Variants in NCOA3 observed in about 807,000 individuals in gnomAD.
NCOA3 encodes the protein nuclear receptor coactivator 3, also known as CBP-interacting protein.
NCOA3 carries 51 observed loss-of-function variants against 158.8 expected under a neutral mutation model. The observed-to-expected ratio is 0.32, with a 90% CI of 0.26 to 0.41. NCOA3 has a LOEUF of 0.41. Among genes scored for constraint, NCOA3 ranks in the 10% least tolerant of loss-of-function variants. The pLI is 1.00. For missense variants in NCOA3, 1,510 were observed against 1,746.6 expected (o/e 0.86, Z 2.41); for synonymous variants, 537 against 592.4 (o/e 0.91, Z 1.36).
chr20:47,511,550 T>TATATATATATATATATACACATAC lies in NCOA3; in HGVS notation c.-99+9537_-99+9538insATATATATATACACATACATATAT. 5.7e-5 allele frequency among the ~76,000 whole-genome samples: 3 copies of TATATATATATATATATACACATAC among 52,270 alleles called. 1 individual carries two copies. The highest frequency in any genetic ancestry group is 1.2e-4 in the Non-Finnish European group (3 of 25,114). The allele number at this position is 52,270 out of a possible 152,430, so 34.3% of individuals were successfully genotyped here. The stretch of plus-strand genomic sequence containing the variant: ...ATATATATATATATATATATATATA[T>TATATATATATATATATACACATAC]ATATATTTCTTTTTTTTTTTGAGAC... On this transcript the variant is annotated intron_variant, in intron 1 of 22. Transcript: ENST00000371998.
At chr20:47,528,481 A>G (rs1490811014) in intron 1 of NCOA3, among the ~76,000 whole-genome samples, 2 of 152,216 alleles carry the variant, frequency 1.3e-5, no homozygotes, top group African/African-American at 4.8e-5. Context: ...AATCTTGCCT[A>G]TAAGCTTTTG....
chr20:47,603,528 C>T (rs1453534474), intron 2 of NCOA3, among the ~76,000 whole-genome samples: 1 of 152,246 alleles, frequency 6.6e-6, no homozygotes, highest in Non-Finnish European at 1.5e-5. Context: ...TGTTAAACAG[C>T]TCAGGGCCTT....
At chr20:47,567,891 G>T (rs546633513) in intron 1 of NCOA3, among the ~76,000 whole-genome samples, 1 of 152,006 alleles carries the variant, frequency 6.6e-6, no homozygotes, top group East Asian at 1.9e-4. Flanking sequence ...CTTTCTTTTT[G>T]TAGAGATGGG....
chr20:47,598,510 T>A (rs2146255496), intron 2 of NCOA3, among the ~76,000 whole-genome samples: 1 of 151,996 alleles, frequency 6.6e-6, no homozygotes, highest in South Asian at 2.1e-4. Context: ...TAATTTTTGT[T>A]ATTTTTAGTA....
intron 1 of NCOA3, among the ~76,000 whole-genome samples, chr20:47,531,106 G>T (rs1229118047): frequency 6.6e-6 from 1 of 152,148 alleles, no homozygotes; most frequent in Non-Finnish European, 1.5e-5. Context: ...GGGAGACTGA[G>T]GGCAGGCAGA....
intron 1 of NCOA3, among the ~76,000 whole-genome samples, chr20:47,549,407 A>AT (rs1482685320): frequency 1.3e-5 from 2 of 151,566 alleles, no homozygotes; most frequent in African/African-American, 4.8e-5. Flanking sequence ...TTAAAAAAAA[A>AT]TTTATCTGGG....
intron 1 of NCOA3, among the ~76,000 whole-genome samples, chr20:47,545,174 ATTTTT>A (rs3083968): frequency 1.2e-5 from 1 of 84,280 alleles, no homozygotes; most frequent in Non-Finnish European, 2.2e-5. Flanking sequence ...TATCCATAGG[ATTTTT>A]TTTTTTTTTT....
chr20:47,508,256 C>G (rs1326045460), intron 1 of NCOA3, among the ~76,000 whole-genome samples: 1 of 152,190 alleles, frequency 6.6e-6, no homozygotes, highest in Non-Finnish European at 1.5e-5. Context: ...ACCTTCATAT[C>G]TAAGGCTAGC....
At chr20:47,548,213 C>G (rs2084864445) in intron 1 of NCOA3, among the ~76,000 whole-genome samples, 1 of 149,630 alleles carries the variant, frequency 6.7e-6, no homozygotes, top group African/African-American at 2.5e-5. Flanking sequence ...TTCTTACTCT[C>G]TAAGCCTAAT....
chr20:47,564,578 G>C (rs2085162727), intron 1 of NCOA3, among the ~76,000 whole-genome samples: 2 of 149,884 alleles, frequency 1.3e-5, no homozygotes, highest in Non-Finnish European at 3.0e-5. Flanking sequence ...ATATTGTAGT[G>C]AATATCCTTG....
chr20:47,516,919 T>TAAA (rs3092586), intron 1 of NCOA3, among the ~76,000 whole-genome samples: 1 of 126,340 alleles, frequency 7.9e-6, no homozygotes, highest in Admixed American at 8.4e-5. Flanking sequence ...GACCCTGTCT[T>TAAA]AAAAAAAAAA....
At chr20:47,642,418 A>G (rs941518000) in intron 17 of NCOA3, 34 bp downstream of exon 17, 14 of 1,535,286 alleles carry the variant, frequency 9.1e-6, no homozygotes, top group Non-Finnish European at 1.1e-5. Flanking sequence ...AGGAGAGTGT[A>G]TATTTGTGTG....
intron 17 of NCOA3, among the ~76,000 whole-genome samples, chr20:47,646,151 C>G (rs1404435122): frequency 6.6e-6 from 1 of 152,178 alleles, no homozygotes; most frequent in African/African-American, 2.4e-5. Context: ...TGCACATCCT[C>G]CCACATAGTT....
intron 19 of NCOA3, 71 bp downstream of exon 19, chr20:47,649,180 CA>C (rs1446862877): frequency 1.1e-6 from 1 of 881,470 alleles, no homozygotes; most frequent in Non-Finnish European, 1.7e-6. Flanking sequence ...GGTTGGCTCT[CA>C]GTAAATGTTT....
intron 1 of NCOA3, among the ~76,000 whole-genome samples, chr20:47,570,933 T>TACAC (rs772303791): frequency 1.0e-5 from 1 of 99,172 alleles, no homozygotes; most frequent in African/African-American, 4.4e-5. Context: ...TGAGCAGTAA[T>TACAC]ATATATACAC....
At chr20:47,577,583 A>G (rs571591400) in intron 1 of NCOA3, among the ~76,000 whole-genome samples, 86 of 152,316 alleles carry the variant, frequency 5.6e-4, no homozygotes, top group Non-Finnish European at 9.8e-4. Flanking sequence ...GAATGAACAT[A>G]GCTTTCATTT....
chr20:47,618,227 T>C (rs527656326), intron 2 of NCOA3, among the ~76,000 whole-genome samples: 110 of 152,210 alleles, frequency 7.2e-4, no homozygotes, highest in Middle Eastern at 6.8e-3. Context: ...AGAGTGAGAC[T>C]CTTGTCTCAA....
chr20:47,632,381 G>GT (rs34786220), intron 8 of NCOA3, among the ~76,000 whole-genome samples: 26,860 of 135,088 alleles, frequency 0.2, 2,968 homozygotes, highest in African/African-American at 0.28. Context: ...TGTTCAAGAG[G>GT]TTTTTTTTTT....
chr20:47,594,852 C>T (rs1320264567), intron 2 of NCOA3, among the ~76,000 whole-genome samples: 8 of 136,420 alleles, frequency 5.9e-5, no homozygotes, highest in Non-Finnish European at 9.1e-5. Flanking sequence ...AGCGCAGTAC[C>T]GCGATCTCAG....
Sources: allele counts gnomAD v4.1 joint callset (sites outside exome capture counted in the v4.1 genomes callset), GRCh38; gene constraint gnomAD v4.1.1; transcripts MANE v1.5; gene names NCBI Gene and HGNC (gene_info 2026-07-23, HGNC 2026-07-21).